Variants in SLC35F2 observed in about 807,000 individuals in gnomAD.
SLC35F2 encodes the protein queuine/queuosine transporter SLC35F2.
Under a neutral mutation model 38.1 loss-of-function variants are expected in SLC35F2, and 25 were observed. The ratio of observed to expected loss-of-function variants is 0.66; its 90% CI spans 0.48 to 0.92. The LOEUF (loss-of-function observed/expected upper bound fraction) is 0.92. SLC35F2 is among the 40% of genes least tolerant of loss of function. The probability of loss-of-function intolerance (pLI) is 0.00; values close to 1 mark genes in which losing one functional copy is unlikely to be tolerated. For missense variants in SLC35F2, 409 were observed against 452.9 expected, an observed-to-expected ratio of 0.90 and a Z score of 0.88; for synonymous variants, 173 against 181.7, an observed-to-expected ratio of 0.95 and a Z score of 0.38.
At chr11:107,828,534 GAATAA>G (rs941009463) in intron 1 of SLC35F2, among the ~76,000 whole-genome samples, 1 of 151,794 alleles carries the variant, frequency 6.6e-6, no homozygotes, top group African/African-American at 2.4e-5. Context: ...GAAGACTAGT[GAATAA>G]AAGAAATGAA....
Position 107,803,020 on chromosome 11 carries a change from A to G in SLC35F2, c.920T>C (p.Leu307Pro). 1.2e-6 allele frequency: 2 copies of G among 1,611,844 alleles called. No homozygotes were observed. The highest frequency in any genetic ancestry group is 1.7e-4 in the Middle Eastern group (1 of 6,052). ...TADLYSLFVG[L>P]FLFGYKFSGL... ...GTTTACCTTATAGCCAAACAGAAAG[A>G]GTCCAACAAAAAGGCTGTAGAGGTC... Residue 307 changes from leucine (L) to proline (P), a missense_variant, in exon 7 of 8, where the codon CTC becomes CCC. Coordinates refer to ENST00000525815, the MANE Select transcript of SLC35F2 (RefSeq NM_017515.5).
intron 1 of SLC35F2, among the ~76,000 whole-genome samples, chr11:107,829,483 G>A (rs1859803756): frequency 6.6e-6 from 1 of 151,760 alleles, no homozygotes; most frequent in Admixed American, 6.6e-5. Context: ...CTTCCACCAT[G>A]CTATGACACA....
intron 1 of SLC35F2, among the ~76,000 whole-genome samples, chr11:107,827,053 A>G (rs73003355): frequency 0.058 from 8,769 of 152,252 alleles, 519 homozygotes; most frequent in African/African-American, 0.15. Flanking sequence ...CATATACAAT[A>G]TGAATATTGA....
At chr11:107,802,242 A>AAATAAATAAATAAATAAATAAAT (rs1859319840) in intron 7 of SLC35F2, among the ~76,000 whole-genome samples, 6 of 147,982 alleles carry the variant, frequency 4.1e-5, no homozygotes, top group East Asian at 2.1e-4. Flanking sequence ...CATCTCAAAA[A>AAATAAATAAATAAATAAATAAAT]AAATAAATAA....
chr11:107,827,131 A>G (rs1859764730), intron 1 of SLC35F2, among the ~76,000 whole-genome samples: 1 of 152,192 alleles, frequency 6.6e-6, no homozygotes, highest in Non-Finnish European at 1.5e-5. Flanking sequence ...TAAAAACCTT[A>G]TAGTTTTGAA....
Position 107,850,005 on chromosome 11 carries a change from AC to A in SLC35F2, c.110+8652del, listed in dbSNP as rs148806416. On this transcript the variant is annotated intron_variant, in intron 1 of 7. Transcript: ENST00000525815. ...TCCAGCCAGCAATCATTCCTCACCT[AC>A]CCTCTCCAAGCTCCTTGGGCTAATG... 9.9e-3 allele frequency among the ~76,000 whole-genome samples: 1,505 copies of A among 152,248 alleles called. 30 individuals are homozygous for A. Among genetic ancestry groups the A allele is most frequent in the African/African-American group, 0.033 (1,381 of 41,548 alleles).
At chr11:107,829,107 G>C (rs1373544588) in intron 1 of SLC35F2, among the ~76,000 whole-genome samples, 1 of 146,762 alleles carries the variant, frequency 6.8e-6, no homozygotes, top group Admixed American at 6.9e-5. Flanking sequence ...GACTGTCTTG[G>C]AGCAGGAGGT....
At position 107,815,934 on chromosome 11, in the gene SLC35F2, T is replaced by C; in HGVS notation, c.142A>G (p.Met48Val). ...GTCCCACATATACACAAGGACAACA[T>C]CTGACCCAGGGCAATTGTTTTCAAA... is the stretch of plus-strand genomic sequence containing the variant. Reference protein sequence around the residue: ...NILKTIALGQMLSLCICGTAI... With the variant: ...NILKTIALGQVLSLCICGTAI... The change falls in exon 2 of 8, where the codon ATG becomes GTG. Residue 48 changes from methionine to valine, a missense_variant. Coordinates refer to ENST00000525815, the MANE Select transcript of SLC35F2 (RefSeq NM_017515.5). 6.2e-7 allele frequency: 1 copy of C among 1,611,972 alleles called. No homozygotes were observed. Among genetic ancestry groups the C allele is most frequent in the South Asian group, 1.1e-5 (1 of 90,396 alleles).
chr11:107,818,115 AGAAAGAAAGAAAGAAAG>A (rs1859612104), intron 1 of SLC35F2, among the ~76,000 whole-genome samples: 1 of 148,108 alleles, frequency 6.8e-6, no homozygotes, highest in South Asian at 2.1e-4. Flanking sequence ...AAAGAAAGAA[AGAAAGAAAGAAAGAAAG>A]AAAAAGAAAC....
chr11:107,794,358 C>T (rs1244313182), intron 7 of SLC35F2, among the ~76,000 whole-genome samples: 1 of 152,118 alleles, frequency 6.6e-6, no homozygotes, highest in African/African-American at 2.4e-5. Context: ...GGATTACAGG[C>T]GTGAGCTACC....
At chr11:107,804,845 T>C (rs777424515) in intron 5 of SLC35F2, 75 bp from the exon 6 acceptor site, 16 of 1,261,428 alleles carry the variant, frequency 1.3e-5, no homozygotes, top group Non-Finnish European at 1.2e-5. Context: ...TTAGTCACTA[T>C]ACTTCAGCTA....
chr11:107,797,488 G>A (rs570124334), intron 7 of SLC35F2, among the ~76,000 whole-genome samples: 1 of 152,008 alleles, frequency 6.6e-6, no homozygotes, highest in African/African-American at 2.4e-5. Flanking sequence ...AGGAGTTTGA[G>A]GCCAACCTGG....
intron 6 of SLC35F2, 194 bp from the exon 7 acceptor site, chr11:107,803,349 T>TCC: frequency 1.0e-6 from 1 of 985,252 alleles, no homozygotes; most frequent in Non-Finnish European, 1.2e-6. Context: ...AGTTGTGATG[T>TCC]AGATAAAGGA....
chr11:107,852,754 C>T (rs1169216894), intron 1 of SLC35F2, among the ~76,000 whole-genome samples: 2 of 150,840 alleles, frequency 1.3e-5, no homozygotes, highest in Non-Finnish European at 3.0e-5. Context: ...CGCCTGTAAT[C>T]CCAGCTACTA....
intron 1 of SLC35F2, among the ~76,000 whole-genome samples, chr11:107,844,622 CAATAAATAAATAAATAAATAAATAAATA>C (rs57389430): frequency 7.4e-6 from 1 of 134,792 alleles, no homozygotes; most frequent in African/African-American, 2.8e-5. Flanking sequence ...ACTCCTTCTC[CAATAAATAAATAAATAAATAAATAAATA>C]AATAAATAAA....
chr11:107,821,954 G>T (rs1350787913), intron 1 of SLC35F2, among the ~76,000 whole-genome samples: 1 of 152,178 alleles, frequency 6.6e-6, no homozygotes, highest in Non-Finnish European at 1.5e-5. Context: ...TTTAAGGCAT[G>T]AGGCCAGGCA....
chr11:107,798,789 T>A (rs1859260606), intron 7 of SLC35F2, among the ~76,000 whole-genome samples: 2 of 152,186 alleles, frequency 1.3e-5, no homozygotes, highest in African/African-American at 2.4e-5. Context: ...AAAAACTACT[T>A]CTTGGCCAGG....
chr11:107,849,376 C>A (rs755484085), intron 1 of SLC35F2, among the ~76,000 whole-genome samples: 2 of 152,054 alleles, frequency 1.3e-5, no homozygotes, highest in Admixed American at 6.6e-5. Context: ...CGGTGGCTCA[C>A]GTCTGTAATC....
chr11:107,798,352 A>C (rs1422930940), intron 7 of SLC35F2, among the ~76,000 whole-genome samples: 1 of 152,150 alleles, frequency 6.6e-6, no homozygotes, highest in Non-Finnish European at 1.5e-5. Flanking sequence ...TAAAATGTTT[A>C]CTGTTACCTG....
Sources: allele counts gnomAD v4.1 joint callset (sites outside exome capture counted in the v4.1 genomes callset), GRCh38; gene constraint gnomAD v4.1.1; transcripts MANE v1.5; gene names NCBI Gene and HGNC (gene_info 2026-07-23, HGNC 2026-07-21).